The following TMEM232 variants were observed in gnomAD, a reference collection of about 807,000 sequenced individuals.
TMEM232 encodes transmembrane protein 232.
A neutral mutation model predicts 78.8 loss-of-function variants in TMEM232; 80 were observed. That is an observed-to-expected ratio of 1.01 (90% CI 0.85 to 1.22). TMEM232 has a LOEUF of 1.22. Ranked by LOEUF, TMEM232 falls within the 50% of genes most tolerant of loss-of-function variation. The pLI is 0.00. For missense variants in TMEM232, 881 were observed against 742.2 expected, an observed-to-expected ratio of 1.19 and a Z score of -2.17; for synonymous variants, 297 against 254.3, an observed-to-expected ratio of 1.17 and a Z score of -1.60.
At chr5:110,549,605 CAAAAAAAAAAAAA>C (rs1209595068) in intron 11 of TMEM232, among the ~76,000 whole-genome samples, 1 of 45,448 alleles carries the variant, frequency 2.2e-5, no homozygotes, top group Non-Finnish European at 4.6e-5. Flanking sequence ...GTCCCTGTCT[CAAAAAAAAAAAAA>C]AAAAAAAAAA....
At chr5:110,667,152 ATTT>A (rs893898371) in intron 2 of TMEM232, 73 bp downstream of exon 2, 8 of 1,169,082 alleles carry the variant, frequency 6.8e-6, no homozygotes, top group African/African-American at 1.6e-5. Context: ...CTATGGGTGA[ATTT>A]TTTTTTTCAG....
chr5:110,622,937 A>G lies in TMEM232; in HGVS notation c.768+2330T>C, dbSNP rs187577082. ...CAGCACACCAGCATGGCACATGTAT[A>G]CATATGTAACTAACCTGCACATTGT... is the stretch of plus-strand genomic sequence containing the variant. On this transcript the variant is annotated intron_variant, in intron 7 of 13. Transcript: ENST00000455884. Among the ~76,000 whole-genome samples the G allele has an allele frequency of 6.5e-3, 992 of 152,056 alleles. 8 individuals are homozygous for G. The highest frequency in any genetic ancestry group is 0.019 in the African/African-American group (805 of 41,462).
At chr5:110,449,368 G>A (rs941807801) in intron 12 of TMEM232, among the ~76,000 whole-genome samples, 2 of 151,614 alleles carry the variant, frequency 1.3e-5, no homozygotes, top group African/African-American at 2.4e-5. Context: ...GATTCGGAAA[G>A]AAAAAAAGGT....
intron 11 of TMEM232, among the ~76,000 whole-genome samples, chr5:110,532,730 C>T (rs901201543): frequency 6.6e-6 from 1 of 152,036 alleles, no homozygotes; most frequent in South Asian, 2.1e-4. Flanking sequence ...CACCTTAACA[C>T]ACAAGTATAA....
At chr5:110,532,137 A>G (rs969007443) in intron 11 of TMEM232, among the ~76,000 whole-genome samples, 6 of 152,092 alleles carry the variant, frequency 3.9e-5, no homozygotes, top group Non-Finnish European at 7.4e-5. Context: ...CTGGCCACCA[A>G]GCCAAAGAAT....
Position 110,645,532 on chromosome 5 carries a change from C to A in TMEM232, c.126-3161G>T, listed in dbSNP as rs547172952. Among the ~76,000 whole-genome samples, 71 of 149,786 alleles carry A rather than the reference C, an allele frequency of 4.7e-4. 1 individual carries two copies. The highest frequency in any genetic ancestry group is 2.2e-4 in the Non-Finnish European group (15 of 67,350). On this transcript the variant is annotated intron_variant, in intron 2 of 13. Transcript: ENST00000455884. ...TTAACTTCCATTCATGATTAAAATTCTCAAGAAAATAGGTGTAAAAAGAAT... is the reference window on the plus strand; with the variant it reads ...TTAACTTCCATTCATGATTAAAATTATCAAGAAAATAGGTGTAAAAAGAAT...
At chr5:110,596,007 T>G (rs952513578) in intron 10 of TMEM232, among the ~76,000 whole-genome samples, 10 of 152,000 alleles carry the variant, frequency 6.6e-5, no homozygotes, top group African/African-American at 2.4e-4. Flanking sequence ...AAGGAAAAAT[T>G]GTTAAGGGCA....
intron 10 of TMEM232, among the ~76,000 whole-genome samples, chr5:110,593,975 T>G (rs892633447): frequency 7.0e-6 from 1 of 141,996 alleles, no homozygotes; most frequent in Non-Finnish European, 1.5e-5. Flanking sequence ...GTTGACATTT[T>G]AAAATTTTTT....
intron 10 of TMEM232, among the ~76,000 whole-genome samples, chr5:110,571,568 C>A (rs879223534): frequency 6.6e-6 from 1 of 151,792 alleles, no homozygotes; most frequent in Admixed American, 6.6e-5. Flanking sequence ...ATTTGTAATC[C>A]CAGCACTTGG....
chr5:110,620,269 T>A (rs181646675), intron 7 of TMEM232, among the ~76,000 whole-genome samples: 3 of 152,298 alleles, frequency 2.0e-5, no homozygotes, highest in East Asian at 1.9e-4. Context: ...GTTATTTTGA[T>A]CTCCTATTGG....
Position 110,605,109 on chromosome 5 carries a change from A to T in TMEM232, c.1276T>A (p.Cys426Ser). 3.3e-6 allele frequency: 5 copies of T among 1,538,074 alleles called. No individual in the cohort carries two copies. Among genetic ancestry groups the T allele is most frequent in the Non-Finnish European group, 4.4e-6 (5 of 1,139,272 alleles). The part of the protein sequence containing the change: ...EYFSSKMSEN[C>S]DQVVWTGYYG... Reference sequence around the variant, plus strand: ...TCAAAGTAAAAAACAATCTACTTACAGTTCTCTGACATTTTTGAAGAGAAA... The same window carrying T: ...TCAAAGTAAAAAACAATCTACTTACTGTTCTCTGACATTTTTGAAGAGAAA... The change falls in exon 10 of 14, where the codon TGT becomes AGT. Residue 426 changes from cysteine to serine, a missense_variant and splice_region_variant. Coordinates refer to ENST00000455884, the MANE Select transcript of TMEM232 (RefSeq NM_001039763.4).
intron 12 of TMEM232, among the ~76,000 whole-genome samples, chr5:110,486,949 G>A (rs1348115912): frequency 1.3e-5 from 2 of 151,888 alleles, no homozygotes; most frequent in South Asian, 2.1e-4. Flanking sequence ...TAATGAGCAC[G>A]GGATGTGTTT....
At position 110,420,526 on chromosome 5, in the gene TMEM232, A is replaced by C; in HGVS notation, c.*54T>G. ...TAGCTATCTTGGTATTTTTCATCCT[A>C]TGTATTTCTGCCATGTAGTCCTCAA... On this transcript the variant is annotated 3_prime_UTR_variant, in exon 14 of 14. Transcript: ENST00000455884. 9.1e-7 allele frequency: 1 copy of C among 1,104,592 alleles called. No homozygotes were observed. Among genetic ancestry groups the C allele is most frequent in the South Asian group, 2.0e-5 (1 of 50,348 alleles). 68.4% of individuals were successfully genotyped at this position (1,104,592 alleles called of 1,614,324 possible). A position where few individuals can be genotyped will look rare whatever the true frequency, so the allele number is the denominator to read the frequency against.
At chr5:110,659,298 G>A (rs1381784173) in intron 2 of TMEM232, among the ~76,000 whole-genome samples, 1 of 151,990 alleles carries the variant, frequency 6.6e-6, no homozygotes, top group African/African-American at 2.4e-5. Context: ...AGGCTACCTT[G>A]GTGTCCAGCA....
At chr5:110,463,459 C>T (rs1761749501) in intron 12 of TMEM232, among the ~76,000 whole-genome samples, 1 of 152,100 alleles carries the variant, frequency 6.6e-6, no homozygotes, top group Non-Finnish European at 1.5e-5. Flanking sequence ...CTCTTTATTG[C>T]AGTAGTCTAG....
rs11241072 is a variant in TMEM232, at chr5:110,691,446, G to A, written c.-12-24082C>T. On this transcript the variant is annotated intron_variant, in intron 1 of 13. Transcript: ENST00000455884. ...GGGATGTAATTGTCCATGAATTCTT[G>A]TATTGGATTTATGTTGTATGCCAGT... 1.9e-4 allele frequency among the ~76,000 whole-genome samples: 29 copies of A among 152,300 alleles called. No individual in the cohort carries two copies. The East Asian group carries it at 3.9e-3, about 20-fold the overall frequency.
At chr5:110,475,845 CT>C (rs891611884) in intron 12 of TMEM232, among the ~76,000 whole-genome samples, 55 of 152,014 alleles carry the variant, frequency 3.6e-4, no homozygotes, top group African/African-American at 1.3e-3. Context: ...GCAAACAATC[CT>C]TGAGGTTCAC....
chr5:110,677,301 T>G (rs1205269512), intron 1 of TMEM232, among the ~76,000 whole-genome samples: 2 of 152,112 alleles, frequency 1.3e-5, no homozygotes, highest in Admixed American at 1.3e-4. Flanking sequence ...AACCTTTTTT[T>G]GGATGTGTGG....
intron 2 of TMEM232, among the ~76,000 whole-genome samples, chr5:110,406,343 T>G (rs73782463): frequency 0.036 from 5,471 of 151,818 alleles, 138 homozygotes; most frequent in African/African-American, 0.07. Flanking sequence ...TATCTATTCA[T>G]GTGTTAATGG....
Sources: allele counts gnomAD v4.1 joint callset (sites outside exome capture counted in the v4.1 genomes callset), GRCh38; gene constraint gnomAD v4.1.1; transcripts MANE v1.5; gene names NCBI Gene and HGNC (gene_info 2026-07-23, HGNC 2026-07-21).